The following TIA1 variants were observed in gnomAD, a reference collection of about 807,000 sequenced individuals.
TIA1 encodes the protein TIA1 cytotoxic granule associated RNA binding protein.
Under a neutral mutation model 65.9 loss-of-function variants are expected in TIA1, and 23 were observed. The ratio of observed to expected loss-of-function variants is 0.35; its 90% CI spans 0.25 to 0.49. The LOEUF is 0.49. Among genes scored for constraint, TIA1 ranks in the 20% least tolerant of loss-of-function variants. TIA1 has a pLI of 0.98. For synonymous variants in TIA1, 147 were observed against 149.4 expected, an observed-to-expected ratio of 0.98 and a Z score of 0.12; for missense variants, 371 against 477.9, an observed-to-expected ratio of 0.78 and a Z score of 2.09.
chr2:70,236,182 C>G lies in TIA1; in HGVS notation c.27-7G>C, dbSNP rs1485663216. ...GGAAAGGTTACCGACGTATCTGAAA[C>G]ACAAAGAGAAACAATTTACCTTTTT... On this transcript the variant is annotated splice_region_variant and splice_polypyrimidine_tract_variant and intron_variant, in intron 1 of 12. Transcript: ENST00000433529. 10 of 1,552,050 alleles carry G rather than the reference C, an allele frequency of 6.4e-6. No individual in the cohort carries two copies. The highest frequency in any genetic ancestry group is 8.0e-6 in the Non-Finnish European group (9 of 1,131,864).
intron 1 of TIA1, among the ~76,000 whole-genome samples, chr2:70,245,280 C>T (rs767348554): frequency 2.0e-5 from 3 of 152,184 alleles, no homozygotes; most frequent in Non-Finnish European, 2.9e-5. Flanking sequence ...AGCCACCATG[C>T]CTGGCCAGCT....
intron 5 of TIA1, among the ~76,000 whole-genome samples, chr2:70,228,151 G>T (rs1477967210): frequency 1.3e-5 from 2 of 152,006 alleles, no homozygotes; most frequent in African/African-American, 4.8e-5. Flanking sequence ...TAATGACTTA[G>T]TTACCATTCT....
intron 6 of TIA1, chr2:70,225,371 T>A: frequency 1.6e-6 from 2 of 1,288,798 alleles, no homozygotes; most frequent in Non-Finnish European, 2.0e-6. Flanking sequence ...CCAGGGCAAT[T>A]CTGTCCATTC....
Position 70,227,791 on chromosome 2 carries a change from G to A in TIA1, c.342C>T (p.Ser114=), listed in dbSNP as rs1446182567. Residue 114 remains serine (S), a synonymous_variant, in exon 6 of 13, where the codon AGC becomes AGT. Coordinates refer to ENST00000433529, the MANE Select transcript of TIA1 (RefSeq NM_022173.4). ...TTATATCTTCAGTTGTAATTTCTGG[G>A]CTGAGATCACCAACAAAGACATGGA... ...DHFHVFVGDL[S]PEITTEDIKA... 6.3e-7 allele frequency: 1 copy of A among 1,597,240 alleles called. No homozygotes were observed. The highest frequency in any genetic ancestry group is 2.3e-5 in the East Asian group (1 of 44,348).
chr2:70,235,360 AGC>A (rs2104554977), intron 2 of TIA1, among the ~76,000 whole-genome samples: 1 of 152,306 alleles, frequency 6.6e-6, no homozygotes, highest in South Asian at 2.1e-4. Context: ...GGTTGCAGCG[AGC>A]CGAGATCGCA....
At chr2:70,244,775 C>A (rs887751574) in intron 1 of TIA1, among the ~76,000 whole-genome samples, 1 of 132,396 alleles carries the variant, frequency 7.6e-6, no homozygotes, top group East Asian at 2.3e-4. Flanking sequence ...GCAGAGCTTG[C>A]AGTGAGCCAA....
intron 1 of TIA1, among the ~76,000 whole-genome samples, chr2:70,244,632 G>A (rs773529503): frequency 2.7e-4 from 40 of 149,192 alleles, no homozygotes; most frequent in Non-Finnish European, 4.9e-4. Context: ...TCAGGAGATC[G>A]AGACCATCCT....
At chr2:70,217,995 C>G (rs1187169774) in intron 7 of TIA1, among the ~76,000 whole-genome samples, 2 of 152,160 alleles carry the variant, frequency 1.3e-5, no homozygotes, top group African/African-American at 2.4e-5. Context: ...AAATATTGAA[C>G]AGTTATGTTC....
At chr2:70,240,176 T>C (rs1011475186) in intron 1 of TIA1, among the ~76,000 whole-genome samples, 2 of 152,220 alleles carry the variant, frequency 1.3e-5, no homozygotes, top group Non-Finnish European at 2.9e-5. Context: ...GACCCAGTGA[T>C]AAAATTTTCA....
Position 70,248,503 on chromosome 2 carries a change from G to A in TIA1, c.-73C>T, listed in dbSNP as rs1407719993. 1.3e-6 allele frequency: 2 copies of A among 1,598,020 alleles called. No individual in the cohort carries two copies. Among genetic ancestry groups the A allele is most frequent in the Non-Finnish European group, 1.7e-6 (2 of 1,178,436 alleles). ...CACTACCTCCCAAATCGTTTAAGCG[G>A]TTATGGCTACAGGATAGTGGGGTTT... On this transcript the variant is annotated 5_prime_UTR_variant, in exon 1 of 13. Coordinates refer to ENST00000433529, the MANE Select transcript of TIA1 (RefSeq NM_022173.4).
At chr2:70,216,815 CT>C in intron 8 of TIA1, 70 bp downstream of exon 8, 1 of 1,611,294 alleles carries the variant, frequency 6.2e-7, no homozygotes. Context: ...CCGGGAACAG[CT>C]CTAACATTTA....
Position 70,212,556 on chromosome 2 carries a change from A to G in TIA1, c.*163T>C, listed in dbSNP as rs1573116899. On this transcript the variant is annotated 3_prime_UTR_variant, in exon 13 of 13. Transcript: ENST00000433529. ...CCAGCATCTTGTTTCTTTTTAAAAC[A>G]ATGTGGATGATAAGTAATTTCATGA... 1.9e-6 allele frequency: 1 copy of G among 522,738 alleles called. No homozygotes were observed. The highest frequency in any genetic ancestry group is 3.0e-5 in the East Asian group (1 of 33,706). 32.4% of individuals were successfully genotyped at this position (522,738 alleles called of 1,614,324 possible).
chr2:70,231,215 T>C (rs1686122744), intron 2 of TIA1, among the ~76,000 whole-genome samples: 3 of 152,082 alleles, frequency 2.0e-5, no homozygotes, highest in African/African-American at 7.2e-5. Context: ...GGCAGGAGAA[T>C]TGCTTGAACC....
intron 8 of TIA1, 166 bp from the exon 9 acceptor site, chr2:70,216,665 T>TA: frequency 1.4e-6 from 2 of 1,406,138 alleles, no homozygotes; most frequent in South Asian, 1.4e-5. Context: ...CACGAATGTC[T>TA]AAAAAATTAC....
Position 70,214,407 on chromosome 2 carries a change from C to G in TIA1, c.976G>C (p.Gly326Arg). Residue 326 changes from glycine to arginine, a missense_variant, in exon 12 of 13, where the codon GGT (glycine) becomes CGT (arginine). Coordinates refer to ENST00000433529, the MANE Select transcript of TIA1 (RefSeq NM_022173.4). ...AQQIGQYMPN[G>R]WQVPAYGMYG... ...ATTCCATATGCAGGAACTTGCCAAC[C>G]ATTAGGCATATACTGGCCAATTTGT... The G allele has an allele frequency of 6.2e-7, 1 of 1,613,962 alleles. No homozygotes were observed. The highest frequency in any genetic ancestry group is 8.5e-7 in the Non-Finnish European group (1 of 1,179,952).
In TIA1 at chr2:70,219,867, A is replaced by G. The variant is rs148965377; in HGVS notation, c.475-2873T>C. Reference sequence around the variant, plus strand: ...AGTTCTGTTATTACAGGAATGAGCCACTGTGCCTGGCAGGAAATGCACATT... The same window carrying G: ...AGTTCTGTTATTACAGGAATGAGCCGCTGTGCCTGGCAGGAAATGCACATT... On this transcript the variant is annotated intron_variant, in intron 7 of 12. Transcript: ENST00000433529. Among the ~76,000 whole-genome samples the G allele has an allele frequency of 2.6e-5, 4 of 151,202 alleles. No homozygotes were observed. In the East Asian group the frequency reaches 7.8e-4, roughly 29 times the overall value.
chr2:70,214,187 C>T (rs557176148), intron 12 of TIA1, among the ~76,000 whole-genome samples, 162 bp downstream of exon 12: 2 of 151,602 alleles, frequency 1.3e-5, no homozygotes, highest in African/African-American at 4.8e-5. Flanking sequence ...AACTATTAAG[C>T]TCTTATTTTC....
intron 1 of TIA1, among the ~76,000 whole-genome samples, chr2:70,245,185 C>T (rs1693748682): frequency 6.6e-6 from 1 of 152,140 alleles, no homozygotes; most frequent in Non-Finnish European, 1.5e-5. Context: ...TGGGGTTTCA[C>T]CATGTTGCCC....
chr2:70,219,873 C>T (rs1298546666), intron 7 of TIA1, among the ~76,000 whole-genome samples: 3 of 151,630 alleles, frequency 2.0e-5, no homozygotes, highest in African/African-American at 7.3e-5. Context: ...AGCCACTGTG[C>T]CTGGCAGGAA....
Sources: allele counts gnomAD v4.1 joint callset (sites outside exome capture counted in the v4.1 genomes callset), GRCh38; gene constraint gnomAD v4.1.1; transcripts MANE v1.5; gene names NCBI Gene and HGNC (gene_info 2026-07-23, HGNC 2026-07-21).